PIKFYVE: variants seen among roughly 807,000 people sequenced by gnomAD.
PIKFYVE encodes the protein phosphoinositide kinase, FYVE-type zinc finger containing.
PIKFYVE carries 122 observed loss-of-function variants against 257.9 expected under a neutral mutation model. The ratio of observed to expected loss-of-function variants is 0.47; its 90% CI spans 0.41 to 0.55. PIKFYVE has a LOEUF of 0.55. PIKFYVE is among the 20% of genes least tolerant of loss of function. The pLI, the probability that PIKFYVE is intolerant of heterozygous loss-of-function variation, is 0.00. For synonymous variants in PIKFYVE, 892 were observed against 868.9 expected (o/e 1.03, Z -0.47); for missense variants, 2,160 against 2,536.6 (o/e 0.85, Z 3.19).
intron 6 of PIKFYVE, among the ~76,000 whole-genome samples, chr2:208,288,002 A>C (rs1691810010): frequency 1.3e-5 from 2 of 152,254 alleles, no homozygotes; most frequent in Non-Finnish European, 2.9e-5. Flanking sequence ...TTAATTAAAC[A>C]ATATGAAGTA....
rs762729986 is a variant in PIKFYVE, at chr2:208,325,250, C to G, written c.2459-20C>G. 2 of 1,599,650 alleles carry G rather than the reference C, an allele frequency of 1.3e-6. No individual in the cohort carries two copies. Among genetic ancestry groups the G allele is most frequent in the East Asian group, 2.2e-5 (1 of 44,736 alleles). On this transcript the variant is annotated intron_variant, in intron 19 of 41. Coordinates refer to ENST00000264380, the MANE Select transcript of PIKFYVE (RefSeq NM_015040.4). ...TTGCCACCTCCACCATCTTAACTTT[C>G]TGTTTGTTTTTGTTTGTAGAACAAA...
chr2:208,303,633 G>T (rs1693986837), intron 10 of PIKFYVE, among the ~76,000 whole-genome samples: 1 of 152,158 alleles, frequency 6.6e-6, no homozygotes, highest in Non-Finnish European at 1.5e-5. Context: ...GATTGCTTTT[G>T]CTGTCTCAGG....
At chr2:208,307,594 TG>T (rs1324537986) in intron 12 of PIKFYVE, among the ~76,000 whole-genome samples, 4 of 149,764 alleles carry the variant, frequency 2.7e-5, no homozygotes, top group Non-Finnish European at 5.9e-5. Flanking sequence ...TTTTTAAAGA[TG>T]GGTTCTTGAT....
chr2:208,330,697 A>G lies in PIKFYVE; in HGVS notation c.3963+3A>G, dbSNP rs753925852. Reference sequence around the variant, plus strand: ...CCTGGTGTAGAATCTGCAAACAGGTAAATAGACCCTATTACTATATTTTGT... The same window carrying G: ...CCTGGTGTAGAATCTGCAAACAGGTGAATAGACCCTATTACTATATTTTGT... On this transcript the variant is annotated splice_donor_region_variant and intron_variant, in intron 23 of 41. Transcript: ENST00000264380. 6.2e-7 allele frequency: 1 copy of G among 1,612,024 alleles called. No homozygotes were observed.
intron 32 of PIKFYVE, among the ~76,000 whole-genome samples, chr2:208,344,831 T>G (rs913343434): frequency 6.6e-6 from 1 of 152,146 alleles, no homozygotes; most frequent in Non-Finnish European, 1.5e-5. Context: ...CTGAAGTCAT[T>G]TGATCTAAAT....
Position 208,335,426 on chromosome 2 carries a change from TC to T in PIKFYVE, c.4256+8del. 6.6e-7 allele frequency: 1 copy of T among 1,525,876 alleles called. No individual in the cohort carries two copies. The highest frequency in any genetic ancestry group is 1.1e-5 in the South Asian group (1 of 89,062). The allele number at this position is 1,525,876 out of a possible 1,614,324, so 94.5% of individuals were successfully genotyped here. On this transcript the variant is annotated splice_region_variant and intron_variant, in intron 25 of 41. Coordinates refer to ENST00000264380, the MANE Select transcript of PIKFYVE (RefSeq NM_015040.4). ...TGAAGGACTTCTTTCAAAAGTAAGT[TC>T]AGTTTCTTTTATCATCTTTTTTTGT...
intron 5 of PIKFYVE, among the ~76,000 whole-genome samples, chr2:208,283,951 AT>A: frequency 6.6e-6 from 1 of 152,322 alleles, no homozygotes; most frequent in Non-Finnish European, 1.5e-5. Context: ...GTAAAAGGCC[AT>A]TTTGGTAGTG....
chr2:208,337,078 A>G (rs969843214), intron 28 of PIKFYVE, 150 bp downstream of exon 28: 11 of 610,058 alleles, frequency 1.8e-5, no homozygotes, highest in Non-Finnish European at 3.0e-5. Flanking sequence ...TCAAGGAACT[A>G]TGACCTGGAT....
At chr2:208,274,135 A>T (rs1689796507) in intron 3 of PIKFYVE, 1 of 1,408,248 alleles carries the variant, frequency 7.1e-7, no homozygotes, top group Non-Finnish European at 9.9e-7. Context: ...CTGGCTGCAG[A>T]ACTCTGTCAA....
At chr2:208,325,067 A>T in intron 19 of PIKFYVE, 30 bp downstream of exon 19, 1 of 1,613,546 alleles carries the variant, frequency 6.2e-7, no homozygotes, top group African/African-American at 1.3e-5. Context: ...GATTGACCTG[A>T]GGAAAAGAGT....
rs192285649 is a variant in PIKFYVE at position 208,351,817 on chromosome 2, A to C, written c.5715+362A>C. ...CTCAGAGCAAGAACTTATTACTGCAAGGACGGCACCAAGCCATGTATGAGG... is the reference window on the plus strand; with the variant it reads ...CTCAGAGCAAGAACTTATTACTGCACGGACGGCACCAAGCCATGTATGAGG... On this transcript the variant is annotated intron_variant, in intron 38 of 41. Coordinates refer to ENST00000264380, the MANE Select transcript of PIKFYVE (RefSeq NM_015040.4). Among the ~76,000 whole-genome samples the C allele has an allele frequency of 5.7e-3, 868 of 152,328 alleles. 8 individuals are homozygous for C. The highest frequency in any genetic ancestry group is 9.5e-3 in the Non-Finnish European group (649 of 68,030).
At chr2:208,322,390 A>AC (rs1231182483) in intron 17 of PIKFYVE, among the ~76,000 whole-genome samples, 1 of 150,586 alleles carries the variant, frequency 6.6e-6, no homozygotes, top group East Asian at 1.9e-4. Flanking sequence ...AAAAAAAAAA[A>AC]AAAAAAAACT....
intron 37 of PIKFYVE, among the ~76,000 whole-genome samples, 187 bp downstream of exon 37, chr2:208,351,134 G>A (rs1699735540): frequency 6.6e-6 from 1 of 152,184 alleles, no homozygotes; most frequent in South Asian, 2.1e-4. Context: ...GAACTTAGAT[G>A]TGTTATTGAC....
At chr2:208,299,580 G>T (rs937244125) in intron 8 of PIKFYVE, among the ~76,000 whole-genome samples, 2 of 152,126 alleles carry the variant, frequency 1.3e-5, no homozygotes, top group East Asian at 1.9e-4. Context: ...GAGCCACCGC[G>T]CCTGGCCAGT....
chr2:208,282,396 A>G (rs1690930403), intron 5 of PIKFYVE, among the ~76,000 whole-genome samples: 1 of 152,222 alleles, frequency 6.6e-6, no homozygotes, highest in Non-Finnish European at 1.5e-5. Flanking sequence ...CAGAACCAGT[A>G]GGATACACAA....
intron 41 of PIKFYVE, 75 bp downstream of exon 41, chr2:208,354,720 T>C: frequency 8.5e-7 from 1 of 1,179,138 alleles, no homozygotes; most frequent in Non-Finnish European, 1.3e-6. Flanking sequence ...GGATACTGAT[T>C]CTTTTTTTTA....
intron 5 of PIKFYVE, among the ~76,000 whole-genome samples, chr2:208,281,861 G>T (rs191744246): frequency 3.9e-5 from 6 of 152,308 alleles, no homozygotes; most frequent in Admixed American, 2.0e-4. Flanking sequence ...TTGTGTTTCA[G>T]TTCAGTCACT....
At chr2:208,335,262 A>C in intron 24 of PIKFYVE, 44 bp from the exon 25 acceptor site, 1 of 1,237,020 alleles carries the variant, frequency 8.1e-7, no homozygotes, top group South Asian at 1.2e-5. Flanking sequence ...TCAAGATATT[A>C]AGCTATTTTT....
intron 14 of PIKFYVE, among the ~76,000 whole-genome samples, 164 bp from the exon 15 acceptor site, chr2:208,315,029 C>A (rs1057302470): frequency 9.9e-5 from 15 of 152,066 alleles, no homozygotes; most frequent in Non-Finnish European, 2.2e-4. Context: ...ATGCAAAATC[C>A]TTAAGGTACA....
Sources: allele counts gnomAD v4.1 joint callset (sites outside exome capture counted in the v4.1 genomes callset), GRCh38; gene constraint gnomAD v4.1.1; transcripts MANE v1.5; gene names NCBI Gene and HGNC (gene_info 2026-07-23, HGNC 2026-07-21).